ZMAT1: variants seen among roughly 807,000 people sequenced by gnomAD.
The protein encoded by ZMAT1 is zinc finger matrin-type 1.
Under a neutral mutation model 18.5 loss-of-function variants are expected in ZMAT1, and 11 were observed. The observed-to-expected ratio is 0.59, with a 90% confidence interval of 0.37 to 0.98. The LOEUF is 0.98. ZMAT1 is among the 50% of genes least tolerant of loss of function. The probability of loss-of-function intolerance (pLI) is 0.01; values close to 1 mark genes in which losing one functional copy is unlikely to be tolerated. For missense variants in ZMAT1, 525 were observed against 496.2 expected, an observed-to-expected ratio of 1.06 and a Z score of -0.55; for synonymous variants, 211 against 176.4, an observed-to-expected ratio of 1.20 and a Z score of -1.55.
chrX:101,927,709 G>C, intron 1 of ZMAT1, among the ~76,000 whole-genome samples: 1 of 112,023 alleles, frequency 8.9e-6, no homozygotes, highest in Non-Finnish European at 1.9e-5. Context: ...TAACACACCT[G>C]ATCCCATGAC....
At chrX:101,903,607 A>C (rs1350803851) in intron 2 of ZMAT1, among the ~76,000 whole-genome samples, 1 of 111,858 alleles carries the variant, frequency 8.9e-6, no homozygotes, top group Non-Finnish European at 1.9e-5. Flanking sequence ...ACATGAAGCA[A>C]CACCAAATGA....
chrX:101,891,450 C>A (rs1409631708), intron 4 of ZMAT1, among the ~76,000 whole-genome samples: 1 of 110,947 alleles, frequency 9.0e-6, no homozygotes, highest in African/African-American at 3.3e-5. Flanking sequence ...GTAAAGGTGT[C>A]CAACAGGCAG....
At chrX:101,922,551 C>T (rs1929796072) in intron 1 of ZMAT1, among the ~76,000 whole-genome samples, 1 of 110,307 alleles carries the variant, frequency 9.1e-6, no homozygotes, top group South Asian at 3.9e-4. Context: ...CACCACCATG[C>T]CCGACTAATT....
intron 1 of ZMAT1, chrX:101,911,440 T>G: frequency 2.0e-6 from 1 of 492,019 alleles, no homozygotes; most frequent in Admixed American, 4.2e-5. Flanking sequence ...GTAGAAAGAC[T>G]GAATAATGAA....
At chrX:101,889,370 C>G (rs1927209898) in intron 4 of ZMAT1, 1 of 110,972 alleles carries the variant, frequency 9.0e-6, no homozygotes, top group Admixed American at 9.6e-5. Context: ...GAAACTCAGG[C>G]TCCTTTATCG....
chrX:101,890,320 G>A (rs1927287760), intron 4 of ZMAT1: 1 of 111,973 alleles, frequency 8.9e-6, no homozygotes, highest in Admixed American at 9.5e-5. Context: ...TGTATCAATT[G>A]TCAATGAACA....
chrX:101,911,647 G>C, intron 1 of ZMAT1: 1 of 1,205,756 alleles, frequency 8.3e-7, no homozygotes, highest in Non-Finnish European at 1.1e-6. Flanking sequence ...CCACGCTGGG[G>C]AGAAGCCAGC....
chrX:101,920,724 A>G (rs1304672785), intron 1 of ZMAT1, among the ~76,000 whole-genome samples: 2 of 112,461 alleles, frequency 1.8e-5, no homozygotes, highest in Non-Finnish European at 3.8e-5. Flanking sequence ...TCAGGAACAA[A>G]TCCTAATGTA....
chrX:101,916,810 C>G (rs1929367785), intron 1 of ZMAT1, among the ~76,000 whole-genome samples: 1 of 111,784 alleles, frequency 8.9e-6, no homozygotes. Flanking sequence ...GCTAAAGTAA[C>G]CAAAACAGTG....
intron 4 of ZMAT1, among the ~76,000 whole-genome samples, chrX:101,897,544 TAAAAAA>T (rs776116456): frequency 2.5e-5 from 2 of 78,918 alleles, no homozygotes; most frequent in Non-Finnish European, 5.1e-5. Flanking sequence ...AGTGTCTATC[TAAAAAA>T]AAAAAAAAAA....
intron 1 of ZMAT1, among the ~76,000 whole-genome samples, chrX:101,910,368 A>G (rs1028622610): frequency 4.5e-5 from 5 of 112,236 alleles, no homozygotes; most frequent in African/African-American, 1.6e-4. Context: ...CCCAGACACC[A>G]AAGAACATCT....
chrX:101,894,633 A>C, intron 4 of ZMAT1: 1 of 569,035 alleles, frequency 1.8e-6, no homozygotes, highest in Non-Finnish European at 2.1e-6. Flanking sequence ...GTCAAGGATG[A>C]AACCATGGGA....
intron 1 of ZMAT1, among the ~76,000 whole-genome samples, chrX:101,908,912 T>C (rs761350917): frequency 3.6e-5 from 4 of 110,342 alleles, no homozygotes; most frequent in Non-Finnish European, 7.6e-5. Context: ...GCAGGGCACA[T>C]GACATACTGA....
intron 1 of ZMAT1, among the ~76,000 whole-genome samples, chrX:101,919,171 C>A (rs2147666326): frequency 9.0e-6 from 1 of 111,608 alleles, no homozygotes; most frequent in Admixed American, 9.6e-5. Flanking sequence ...CTACCTAGTT[C>A]AGGCCCTCAG....
intron 1 of ZMAT1, chrX:101,918,405 C>T (rs1929482095): frequency 9.5e-6 from 1 of 105,114 alleles, no homozygotes; most frequent in Non-Finnish European, 1.9e-5. Context: ...AGAGATTGAC[C>T]CATCTTGGCC....
In ZMAT1 at chrX:101,898,860, C is replaced by T. The variant is rs955184563; in HGVS notation, c.400-640G>A. On this transcript the variant is annotated intron_variant, in intron 2 of 5. Coordinates refer to ENST00000651725, the MANE Select transcript of ZMAT1 (RefSeq NM_001394560.1). ...GGTCAGGAGTTCGAGACCAGCCTGA[C>T]CAACATGTGAAACCCTGTCTCTACT... Among the ~76,000 whole-genome samples the T allele has an allele frequency of 1.3e-4, 14 of 111,516 alleles. No homozygotes were observed. In the Admixed American group the frequency reaches 1.3e-3, roughly 11 times the overall value.
At chrX:101,908,898 G>A (rs144876829) in intron 1 of ZMAT1, among the ~76,000 whole-genome samples, 83 of 110,880 alleles carry the variant, frequency 7.5e-4, no homozygotes, top group African/African-American at 2.6e-3. Context: ...ACTGGGGTGA[G>A]GGGGCAGGGC....
chrX:101,908,273 T>C (rs781698530), intron 1 of ZMAT1, among the ~76,000 whole-genome samples: 42 of 112,206 alleles, frequency 3.7e-4, no homozygotes, highest in Non-Finnish European at 6.9e-4. Flanking sequence ...AAATTGAGCA[T>C]AGTGGTATAA....
intron 4 of ZMAT1, chrX:101,894,568 A>G: frequency 1.7e-6 from 1 of 576,081 alleles, no homozygotes; most frequent in Non-Finnish European, 2.1e-6. Flanking sequence ...AAAGGTCATA[A>G]GCATACAGAT....
Sources: allele counts gnomAD v4.1 joint callset (sites outside exome capture counted in the v4.1 genomes callset), GRCh38; gene constraint gnomAD v4.1.1; transcripts MANE v1.5; gene names NCBI Gene and HGNC (gene_info 2026-07-23, HGNC 2026-07-21).